FARP1: variants seen among roughly 807,000 people sequenced by gnomAD.
FARP1 encodes the protein FERM, ARH/RhoGEF and pleckstrin domain protein 1.
FARP1 carries 52 observed loss-of-function variants against 128.8 expected under a neutral mutation model. That is an observed-to-expected ratio of 0.40 (90% CI 0.32 to 0.51). The LOEUF (loss-of-function observed/expected upper bound fraction) is 0.51, where lower values mean the gene tolerates loss of function less well. Among genes scored for constraint, FARP1 ranks in the 20% least tolerant of loss-of-function variants. FARP1 has a pLI of 0.45. For synonymous variants in FARP1, 580 were observed against 551.8 expected (o/e 1.05, Z -0.72); for missense variants, 1,333 against 1,367.9 (o/e 0.97, Z 0.40).
chr13:98,436,446 T>C lies in FARP1; in HGVS notation c.2274+740T>C, dbSNP rs188391503. Among the ~76,000 whole-genome samples, 134 of 152,348 alleles carry C rather than the reference T, an allele frequency of 8.8e-4. 1 individual carries two copies. Among genetic ancestry groups the C allele is most frequent in the African/African-American group, 3.2e-3 (131 of 41,572 alleles). On this transcript the variant is annotated intron_variant, in intron 19 of 26. Coordinates refer to ENST00000319562, the MANE Select transcript of FARP1 (RefSeq NM_005766.4). ...ATCTCTCTCTGGGATCTTTACCCTGTGGCGCCCCCATTTCAAATGCTACGT... is the reference window on the plus strand; with the variant it reads ...ATCTCTCTCTGGGATCTTTACCCTGCGGCGCCCCCATTTCAAATGCTACGT...
chr13:98,186,441 C>G (rs768455139), intron 1 of FARP1, among the ~76,000 whole-genome samples: 1 of 152,136 alleles, frequency 6.6e-6, no homozygotes, highest in African/African-American at 2.4e-5. Flanking sequence ...TTCTCTCTCT[C>G]CCCTGCCCCT....
At chr13:98,367,687 G>T (rs1489828035) in intron 4 of FARP1, among the ~76,000 whole-genome samples, 1 of 152,120 alleles carries the variant, frequency 6.6e-6, no homozygotes, top group African/African-American at 2.4e-5. Context: ...AGAGCACCTA[G>T]AGGCTGAAAA....
chr13:98,210,027 A>C (rs920361460), intron 1 of FARP1, among the ~76,000 whole-genome samples: 5 of 151,386 alleles, frequency 3.3e-5, no homozygotes, highest in Non-Finnish European at 7.4e-5. Flanking sequence ...AATAAAATTA[A>C]TAAAAAATAA....
rs1893091610 is a variant in FARP1 at position 98,449,662 on chromosome 13, G to GTT, written c.*1346_*1347dup. 1 of 152,564 alleles carries GTT rather than the reference G, an allele frequency of 6.6e-6. No individual in the cohort carries two copies. The highest frequency in any genetic ancestry group is 1.5e-5 in the Non-Finnish European group (1 of 68,048). The allele number at this position is 152,564 out of a possible 1,614,324, so 9.5% of individuals were successfully genotyped here. On this transcript the variant is annotated 3_prime_UTR_variant, in exon 27 of 27. Transcript: ENST00000319562. ...CAAACGGACGAAGAGCCTGCCGTGT[G>GTT]TTAATCATTTGCCTTACAAGATGTA...
chr13:98,363,630 T>C (rs1349319882), intron 3 of FARP1, among the ~76,000 whole-genome samples: 1 of 152,174 alleles, frequency 6.6e-6, no homozygotes, highest in Non-Finnish European at 1.5e-5. Context: ...ATTAAGAGAT[T>C]GCCAAAATTA....
intron 17 of FARP1, among the ~76,000 whole-genome samples, chr13:98,428,640 C>A (rs1387471317): frequency 6.6e-6 from 1 of 152,234 alleles, no homozygotes; most frequent in Admixed American, 6.5e-5. Context: ...CCTAGGCTGT[C>A]TCTCCAGACC....
At chr13:98,240,674 G>A (rs912851550) in intron 2 of FARP1, among the ~76,000 whole-genome samples, 11 of 152,216 alleles carry the variant, frequency 7.2e-5, no homozygotes, top group East Asian at 1.9e-4. Flanking sequence ...GCCTGCGGAC[G>A]TCATCTCACT....
intron 2 of FARP1, among the ~76,000 whole-genome samples, chr13:98,213,871 G>A (rs187445339): frequency 3.7e-4 from 56 of 152,266 alleles, no homozygotes; most frequent in East Asian, 3.9e-4. Flanking sequence ...GAACAGTCCC[G>A]AGAGCATCAT....
intron 1 of FARP1, among the ~76,000 whole-genome samples, chr13:98,204,881 G>A (rs559945366): frequency 1.8e-4 from 28 of 152,192 alleles, no homozygotes; most frequent in South Asian, 1.0e-3. Flanking sequence ...CCAGGAGCTC[G>A]AGGTTACAGT....
chr13:98,404,580 A>G (rs1368697485), intron 13 of FARP1: 1 of 152,238 alleles, frequency 6.6e-6, no homozygotes, highest in African/African-American at 2.4e-5. Context: ...CCTTTCAAAA[A>G]AATAGATGAA....
At chr13:98,340,425 A>C (rs1250469347) in intron 2 of FARP1, among the ~76,000 whole-genome samples, 1 of 149,864 alleles carries the variant, frequency 6.7e-6, no homozygotes, top group Non-Finnish European at 1.5e-5. Context: ...GCTCACTGCA[A>C]CCTCCGCCTC....
At chr13:98,315,337 C>T (rs1202365004) in intron 2 of FARP1, among the ~76,000 whole-genome samples, 1 of 152,058 alleles carries the variant, frequency 6.6e-6, no homozygotes, top group East Asian at 1.9e-4. Context: ...AACTCCTGGG[C>T]TCAAGCAATG....
chr13:98,328,954 C>T (rs1438991073), intron 2 of FARP1: 1 of 152,180 alleles, frequency 6.6e-6, no homozygotes, highest in Admixed American at 6.5e-5. Flanking sequence ...CGAAGGGTAA[C>T]TGAAACCAGA....
intron 2 of FARP1, chr13:98,245,074 T>C (rs1882987905): frequency 9.8e-7 from 1 of 1,023,388 alleles, no homozygotes. Context: ...TTAAAAACCA[T>C]CTTCCTTTCC....
chr13:98,292,620 C>T (rs1885501080), intron 2 of FARP1, among the ~76,000 whole-genome samples: 1 of 152,218 alleles, frequency 6.6e-6, no homozygotes, highest in Non-Finnish European at 1.5e-5. Context: ...TGAATTAGCA[C>T]AGATATAGAA....
intron 12 of FARP1, among the ~76,000 whole-genome samples, chr13:98,394,001 C>G (rs1047587224): frequency 1.3e-5 from 2 of 152,186 alleles, no homozygotes; most frequent in African/African-American, 4.8e-5. Context: ...GCGGAACCAT[C>G]GCGGCAGTGG....
chr13:98,193,464 T>C (rs1183154783), intron 1 of FARP1, among the ~76,000 whole-genome samples: 1 of 152,238 alleles, frequency 6.6e-6, no homozygotes, highest in African/African-American at 2.4e-5. Flanking sequence ...TGATGTCTTG[T>C]GTAGAGCAAT....
At chr13:98,420,779 G>C (rs1891563983) in intron 16 of FARP1, among the ~76,000 whole-genome samples, 1 of 152,194 alleles carries the variant, frequency 6.6e-6, no homozygotes, top group Non-Finnish European at 1.5e-5. Flanking sequence ...TGGTGGAAGA[G>C]TTATAATTAC....
chr13:98,194,162 G>A (rs1879421544), intron 1 of FARP1, among the ~76,000 whole-genome samples: 1 of 151,878 alleles, frequency 6.6e-6, no homozygotes, highest in Non-Finnish European at 1.5e-5. Context: ...TGTTGCCCAG[G>A]CTGGAGCGCA....
Sources: gnomAD v4.1 joint callset for allele counts (sites outside exome capture counted in the v4.1 genomes callset) on GRCh38, gnomAD v4.1.1 for gene constraint, MANE v1.5 for transcripts, NCBI Gene and HGNC (gene_info 2026-07-23, HGNC 2026-07-21) for gene names.